FAM193A: variants seen among roughly 807,000 people sequenced by gnomAD.
FAM193A encodes the protein protein FAM193A.
In FAM193A, 22 loss-of-function variants were observed where a neutral mutation model predicts 126.5. That is an observed-to-expected ratio of 0.17 (90% CI 0.12 to 0.25). The LOEUF (loss-of-function observed/expected upper bound fraction) is 0.25. Among genes scored for constraint, FAM193A ranks in the 10% least tolerant of loss-of-function variants. The pLI, the probability that FAM193A is intolerant of heterozygous loss-of-function variation, is 1.00. For missense variants in FAM193A, 1,675 were observed against 1,672.8 expected, an observed-to-expected ratio of 1.00 and a Z score of -0.02; for synonymous variants, 761 against 646.8, an observed-to-expected ratio of 1.18 and a Z score of -2.68.
intron 1 of FAM193A, among the ~76,000 whole-genome samples, chr4:2,575,722 C>T (rs1401933728): frequency 6.6e-6 from 1 of 152,054 alleles, no homozygotes; most frequent in Non-Finnish European, 1.5e-5. Context: ...CTGCCTCGGC[C>T]TCCCAAAGTG....
At chr4:2,601,970 C>CT (rs1741225654) in intron 2 of FAM193A, among the ~76,000 whole-genome samples, 1 of 151,942 alleles carries the variant, frequency 6.6e-6, no homozygotes, top group African/African-American at 2.4e-5. Flanking sequence ...TCCTGGGTAG[C>CT]TGGGACTACA....
chr4:2,661,161 C>T (rs980483665), intron 10 of FAM193A, among the ~76,000 whole-genome samples: 5 of 152,102 alleles, frequency 3.3e-5, no homozygotes, highest in East Asian at 1.9e-4. Context: ...CTCCTTGGGC[C>T]GGAACTGCCC....
chr4:2,681,760 A>G (rs1374530992), intron 13 of FAM193A, among the ~76,000 whole-genome samples: 1 of 151,962 alleles, frequency 6.6e-6, no homozygotes, highest in East Asian at 1.9e-4. Context: ...CACCACGCCT[A>G]TCCTAGTTAG....
chr4:2,726,455 A>T (rs1176510772), intron 20 of FAM193A, among the ~76,000 whole-genome samples: 1 of 152,038 alleles, frequency 6.6e-6, no homozygotes, highest in Non-Finnish European at 1.5e-5. Context: ...TTTGGGTTTC[A>T]GGGAAAAAAA....
chr4:2,566,051 C>CTT (rs564664549), intron 1 of FAM193A, among the ~76,000 whole-genome samples: 3 of 142,688 alleles, frequency 2.1e-5, no homozygotes, highest in Non-Finnish European at 4.6e-5. Context: ...TGGAAAATTG[C>CTT]TTTTTTTTTT....
At chr4:2,653,765 T>C (rs771274099) in intron 7 of FAM193A, among the ~76,000 whole-genome samples, 1 of 152,212 alleles carries the variant, frequency 6.6e-6, no homozygotes, top group Non-Finnish European at 1.5e-5. Context: ...TTATTTTCAC[T>C]GTCTTGTGAA....
At chr4:2,618,409 G>C (rs1181216437) in intron 2 of FAM193A, among the ~76,000 whole-genome samples, 2 of 151,784 alleles carry the variant, frequency 1.3e-5, no homozygotes, top group Non-Finnish European at 2.9e-5. Flanking sequence ...AGTCTTCTCT[G>C]TGCTTCATTT....
chr4:2,583,997 G>A (rs1307268377), intron 1 of FAM193A, among the ~76,000 whole-genome samples: 1 of 152,154 alleles, frequency 6.6e-6, no homozygotes, highest in Non-Finnish European at 1.5e-5. Flanking sequence ...TTTTTTTAAT[G>A]ATTAGTGCTT....
chr4:2,550,667 C>T (rs1737861367), intron 1 of FAM193A, among the ~76,000 whole-genome samples: 1 of 151,702 alleles, frequency 6.6e-6, no homozygotes, highest in Non-Finnish European at 1.5e-5. Context: ...AACTCCCAAC[C>T]TGAGGTGATC....
chr4:2,557,834 C>T (rs1195451474), intron 1 of FAM193A, among the ~76,000 whole-genome samples: 1 of 152,078 alleles, frequency 6.6e-6, no homozygotes, highest in African/African-American at 2.4e-5. Context: ...CGCCTGTAGT[C>T]CCAGCTACTC....
intron 1 of FAM193A, among the ~76,000 whole-genome samples, chr4:2,591,587 G>T (rs1337152438): frequency 6.6e-6 from 1 of 152,078 alleles, no homozygotes; most frequent in Non-Finnish European, 1.5e-5. Flanking sequence ...GCTGTTACCC[G>T]AGAGGATATT....
intron 20 of FAM193A, among the ~76,000 whole-genome samples, chr4:2,720,696 T>C (rs1720039514): frequency 6.8e-6 from 1 of 146,122 alleles, no homozygotes; most frequent in Non-Finnish European, 1.5e-5. Flanking sequence ...ACACCACAAA[T>C]AATTGGAAAT....
intron 1 of FAM193A, among the ~76,000 whole-genome samples, chr4:2,593,123 A>T (rs1030714146): frequency 2.6e-5 from 4 of 152,168 alleles, no homozygotes; most frequent in Non-Finnish European, 4.4e-5. Flanking sequence ...AAAAATACCC[A>T]GCACCTGACG....
At chr4:2,649,050 T>G (rs974218735) in intron 7 of FAM193A, among the ~76,000 whole-genome samples, 9 of 152,164 alleles carry the variant, frequency 5.9e-5, no homozygotes, top group Non-Finnish European at 1.2e-4. Context: ...AGCTTTTAAT[T>G]CCAAATAAGT....
rs748536437 is a variant in FAM193A, at chr4:2,570,904, G to A, written c.256-25180G>A. On this transcript the variant is annotated intron_variant, in intron 1 of 20. Transcript: ENST00000637812. ...TAGTAAGTCAAGCACTTTGAGTACCGAACACACAGGGCCTATTTCTCTTCT... is the reference window on the plus strand; with the variant it reads ...TAGTAAGTCAAGCACTTTGAGTACCAAACACACAGGGCCTATTTCTCTTCT... Among the ~76,000 whole-genome samples, 16 of 152,248 alleles carry A rather than the reference G, an allele frequency of 1.1e-4. No homozygotes were observed. The East Asian group carries it at 3.1e-3, about 29-fold the overall frequency.
At chr4:2,660,737 G>A (rs987807545) in intron 10 of FAM193A, among the ~76,000 whole-genome samples, 2 of 152,226 alleles carry the variant, frequency 1.3e-5, no homozygotes, top group African/African-American at 2.4e-5. Flanking sequence ...GCTATGCAGC[G>A]TTTCTGGGAT....
rs201163715 is a variant in FAM193A, at chr4:2,631,196, C to G, written c.1038+27C>G. 7.6e-6 allele frequency: 12 copies of G among 1,579,968 alleles called. No individual in the cohort carries two copies. In the African/African-American group the frequency reaches 1.6e-4, roughly 21 times the overall value. ...TAAGAGAGAAAACGTGTTTTTCTTT[C>G]TGTTTGGATGAGCTGAAGAGAAGCA... On this transcript the variant is annotated intron_variant, in intron 5 of 20. Coordinates refer to ENST00000637812, the MANE Select transcript of FAM193A (RefSeq NM_001366318.2).
At chr4:2,716,399 G>T (rs1226006113) in intron 20 of FAM193A, among the ~76,000 whole-genome samples, 1 of 152,176 alleles carries the variant, frequency 6.6e-6, no homozygotes, top group Non-Finnish European at 1.5e-5. Context: ...TTCTGAGGCG[G>T]TGGCTCTCCA....
intron 1 of FAM193A, among the ~76,000 whole-genome samples, chr4:2,577,411 G>GTTTTTTTTTT (rs67407606): frequency 1.9e-4 from 19 of 101,856 alleles, no homozygotes; most frequent in Non-Finnish European, 3.4e-4. Context: ...AATTAAAGTG[G>GTTTTTTTTTT]TTTTTTTTTT....
Sources: gnomAD v4.1 joint callset for allele counts (sites outside exome capture counted in the v4.1 genomes callset) on GRCh38, gnomAD v4.1.1 for gene constraint, MANE v1.5 for transcripts, NCBI Gene and HGNC (gene_info 2026-07-23, HGNC 2026-07-21) for gene names.